The following ZIC4 variants were observed in gnomAD, a reference collection of about 807,000 sequenced individuals.
The protein encoded by ZIC4 is zinc finger protein ZIC 4.
Under a neutral mutation model 28.8 loss-of-function variants are expected in ZIC4, and 15 were observed. That is an observed-to-expected ratio of 0.52 (90% CI 0.35 to 0.80). The LOEUF is 0.80. Among genes scored for constraint, ZIC4 ranks in the 30% least tolerant of loss-of-function variants. ZIC4 has a pLI of 0.01. For missense variants in ZIC4, 512 were observed against 467.1 expected (o/e 1.10, Z -0.89); for synonymous variants, 220 against 198.1 (o/e 1.11, Z -0.93).
At chr3:147,397,683 G>A (rs1275719455) in intron 2 of ZIC4, among the ~76,000 whole-genome samples, 1 of 152,174 alleles carries the variant, frequency 6.6e-6, no homozygotes, top group African/African-American at 2.4e-5. Context: ...GTTTGTCCCT[G>A]CAGCCTGCAA....
chr3:147,395,813 C>G (rs912689370), intron 3 of ZIC4, 39 bp downstream of exon 3: 1 of 1,578,498 alleles, frequency 6.3e-7, no homozygotes, highest in Non-Finnish European at 8.6e-7. Context: ...CCTGCTTCCC[C>G]AGAGGGTCCG....
chr3:147,405,586 G>A (rs1227560606), intron 1 of ZIC4: 11 of 1,096,866 alleles, frequency 1.0e-5, no homozygotes, highest in African/African-American at 4.7e-5. Context: ...TAGGCTAGGG[G>A]CCAGAATCCT....
intron 1 of ZIC4, chr3:147,403,842 A>ATCTC (rs142316820): frequency 4.4e-6 from 4 of 915,454 alleles, no homozygotes; most frequent in Non-Finnish European, 6.3e-6. Flanking sequence ...ATGCACAAAG[A>ATCTC]TCTCTCTCTC....
chr3:147,391,424 G>GT, intron 3 of ZIC4, 178 bp from the exon 4 acceptor site: 2 of 755,662 alleles, frequency 2.6e-6, no homozygotes, highest in Non-Finnish European at 4.1e-6. Flanking sequence ...AGCGCCCCCG[G>GT]TGCCCTCTCT....
rs770555735 is a variant in ZIC4, at chr3:147,396,258, G to T, written c.282C>A (p.Ala94=). The change falls in exon 3 of 5, where the codon GCC becomes GCA. Residue 94 remains alanine, a synonymous_variant. Coordinates refer to ENST00000383075, the MANE Select transcript of ZIC4 (RefSeq NM_032153.6). This position sits in a 1 kb window ranked among gnomAD's most constrained non-coding sequence, Gnocchi z 4.2. ...GGTTCATGCCCCCGTAGCCATGCAG[G>T]GCTGCGGCAGCTGCCAGGGCGTCGC... ...ARSDALAAAA[A]LHGYGGMNLT... The T allele has an allele frequency of 3.1e-6, 5 of 1,612,222 alleles. No individual in the cohort carries two copies. Among genetic ancestry groups the T allele is most frequent in the Non-Finnish European group, 3.4e-6 (4 of 1,179,106 alleles).
chr3:147,394,868 G>A (rs1215743957), intron 3 of ZIC4, among the ~76,000 whole-genome samples: 4 of 152,216 alleles, frequency 2.6e-5, no homozygotes, highest in African/African-American at 9.6e-5. Context: ...AATTGTCGAT[G>A]TTCCAGCAAG....
intron 2 of ZIC4, among the ~76,000 whole-genome samples, chr3:147,398,460 T>TA (rs538676684): frequency 2.8e-5 from 3 of 108,550 alleles, no homozygotes; most frequent in Admixed American, 1.2e-4. Context: ...GTCGGTTGGT[T>TA]AAAAAAAACT....
Position 147,386,692 on chromosome 3 carries a change from A to T in ZIC4, c.*2167T>A, listed in dbSNP as rs1052152856. On this transcript the variant is annotated 3_prime_UTR_variant, in exon 5 of 5. Coordinates refer to ENST00000383075, the MANE Select transcript of ZIC4 (RefSeq NM_032153.6). Reference sequence around the variant, plus strand: ...TTGCTGGGCACAATATAAAATGAACAACTTCACACGTGAATGAAGGGAAGG... The same window carrying T: ...TTGCTGGGCACAATATAAAATGAACTACTTCACACGTGAATGAAGGGAAGG... 1.3e-5 allele frequency: 2 copies of T among 152,270 alleles called. No homozygotes were observed. The highest frequency in any genetic ancestry group is 2.4e-5 in the African/African-American group (1 of 41,462). 9.4% of individuals were successfully genotyped at this position (152,270 alleles called of 1,614,324 possible). A position where few individuals can be genotyped will look rare whatever the true frequency, so the allele number is the denominator to read the frequency against.
chr3:147,400,145 A>G (rs1185368788), intron 2 of ZIC4, among the ~76,000 whole-genome samples: 3 of 152,214 alleles, frequency 2.0e-5, no homozygotes, highest in African/African-American at 7.2e-5. Context: ...CATAGAAGAA[A>G]ACACTAACTT....
chr3:147,405,624 C>T (rs890613888), intron 1 of ZIC4: 4 of 790,622 alleles, frequency 5.1e-6, no homozygotes, highest in African/African-American at 1.7e-5. Flanking sequence ...CCCCAGAGAG[C>T]TAGTTGCTGC....
rs1172655447 is a variant in ZIC4, at chr3:147,387,695, G to A, written c.*1164C>T. On this transcript the variant is annotated 3_prime_UTR_variant, in exon 5 of 5. Transcript: ENST00000383075. ...TGAGTTTGCATCTAGGACTAGTCCA[G>A]GCCTAAGGGTACCACACACCCTGCC... The A allele has an allele frequency of 6.6e-6, 1 of 152,582 alleles. No individual in the cohort carries two copies. Among genetic ancestry groups the A allele is most frequent in the Non-Finnish European group, 1.5e-5 (1 of 68,034 alleles). 9.5% of individuals were successfully genotyped at this position (152,582 alleles called of 1,614,324 possible).
At chr3:147,388,980 A>T in intron 4 of ZIC4, 121 bp from the exon 5 acceptor site, 1 of 687,658 alleles carries the variant, frequency 1.5e-6, no homozygotes, top group Non-Finnish European at 2.7e-6. Context: ...AAGACAAAGA[A>T]AAAAGTCCTA....
chr3:147,397,925 C>T (rs766031566), intron 2 of ZIC4, among the ~76,000 whole-genome samples: 2 of 152,122 alleles, frequency 1.3e-5, no homozygotes, highest in Non-Finnish European at 2.9e-5. Flanking sequence ...TCTATACTCT[C>T]TTCCCATTTA....
intron 3 of ZIC4, chr3:147,391,867 G>C (rs912674901): frequency 1.1e-5 from 7 of 645,974 alleles, no homozygotes; most frequent in Non-Finnish European, 1.3e-5. Flanking sequence ...GGTATTCTGA[G>C]CAATGATTCA....
At chr3:147,398,725 A>G (rs1486106524) in intron 2 of ZIC4, among the ~76,000 whole-genome samples, 1 of 152,134 alleles carries the variant, frequency 6.6e-6, no homozygotes, top group Non-Finnish European at 1.5e-5. Context: ...GAAAAGTTTT[A>G]AAGATTGAGT....
chr3:147,402,930 T>C lies in ZIC4; in HGVS notation c.-15-118A>G, dbSNP rs1011262660. 8 of 838,610 alleles carry C rather than the reference T, an allele frequency of 9.5e-6. No homozygotes were observed. The African/African-American group carries it at 1.4e-4, about 14-fold the overall frequency. 51.9% of individuals were successfully genotyped at this position (838,610 alleles called of 1,614,324 possible). A position where few individuals can be genotyped will look rare whatever the true frequency, so the allele number is the denominator to read the frequency against. The stretch of plus-strand genomic sequence containing the variant: ...AGGAGTTGATCTGAAGATCTTTCGG[T>C]CTTTCTTTGACCATTTTCAAATTTT... On this transcript the variant is annotated intron_variant, in intron 1 of 4. Transcript: ENST00000383075.
rs145283905 is a variant in ZIC4 at position 147,393,394 on chromosome 3, C to A, written c.689-2148G>T. The A allele has an allele frequency of 5.8e-3, 899 of 153,772 alleles. 3 individuals carry two copies. The highest frequency in any genetic ancestry group is 8.2e-3 in the Non-Finnish European group (568 of 69,148). The allele number at this position is 153,772 out of a possible 1,614,324, so 9.5% of individuals were successfully genotyped here. A position where few individuals can be genotyped will look rare whatever the true frequency, so the allele number is the denominator to read the frequency against. On this transcript the variant is annotated intron_variant, in intron 3 of 4. Transcript: ENST00000383075. Reference sequence around the variant, plus strand: ...CATCACCCCCGCCCCCCGCCAACACCCGGCCTCCAGTCCTTCCCCCTCCCT... The same window carrying A: ...CATCACCCCCGCCCCCCGCCAACACACGGCCTCCAGTCCTTCCCCCTCCCT...
chr3:147,402,345 A>C (rs181813395), intron 2 of ZIC4, among the ~76,000 whole-genome samples: 14 of 152,308 alleles, frequency 9.2e-5, no homozygotes, highest in Admixed American at 8.5e-4. Flanking sequence ...AAGCCAATAC[A>C]TGTCAAACCT....
intron 1 of ZIC4, chr3:147,405,409 G>T (rs1387550624): frequency 2.6e-6 from 4 of 1,537,130 alleles, no homozygotes; most frequent in Non-Finnish European, 3.5e-6. Flanking sequence ...AGACGGTGAC[G>T]GCCGAAGTGC....
Sources: gnomAD v4.1 joint callset for allele counts (sites outside exome capture counted in the v4.1 genomes callset) on GRCh38, gnomAD v4.1.1 for gene constraint, Gnocchi (gnomAD v3.1) non-coding constraint, MANE v1.5 for transcripts, NCBI Gene and HGNC (gene_info 2026-07-23, HGNC 2026-07-21) for gene names.